HELLS: variants seen among roughly 807,000 people sequenced by gnomAD.
The protein encoded by HELLS is helicase, lymphoid specific.
A neutral mutation model predicts 120.0 loss-of-function variants in HELLS; 32 were observed. The observed-to-expected ratio is 0.27, with a 90% CI of 0.20 to 0.36. The LOEUF (loss-of-function observed/expected upper bound fraction) is 0.36, where lower values mean the gene tolerates loss of function less well. HELLS is among the 10% of genes least tolerant of loss of function. The pLI is 1.00. For missense variants in HELLS, 650 were observed against 993.4 expected, an observed-to-expected ratio of 0.65 and a Z score of 4.65; for synonymous variants, 341 against 323.4, an observed-to-expected ratio of 1.05 and a Z score of -0.58.
At chr10:94,552,092 A>C (rs954411698) in intron 2 of HELLS, among the ~76,000 whole-genome samples, 2 of 151,914 alleles carry the variant, frequency 1.3e-5, no homozygotes, top group Non-Finnish European at 2.9e-5. Flanking sequence ...CTTTCCTCTT[A>C]AGTTGAAACC....
chr10:94,579,515 A>C (rs1844709769), intron 10 of HELLS, among the ~76,000 whole-genome samples: 1 of 151,680 alleles, frequency 6.6e-6, no homozygotes, highest in Non-Finnish European at 1.5e-5. Context: ...GGTATAATTT[A>C]CACATATGAT....
chr10:94,581,549 T>C, intron 11 of HELLS, 27 bp downstream of exon 11: 1 of 1,504,816 alleles, frequency 6.6e-7, no homozygotes. Flanking sequence ...TTTAATGATT[T>C]AACCTCAAAA....
At chr10:94,600,720 G>C (rs1307107988) in intron 21 of HELLS, among the ~76,000 whole-genome samples, 1 of 152,006 alleles carries the variant, frequency 6.6e-6, no homozygotes, top group African/African-American at 2.4e-5. Context: ...ATTAAAGGTA[G>C]AATTTTAACC....
chr10:94,592,057 T>C (rs193213330), intron 15 of HELLS, among the ~76,000 whole-genome samples, 172 bp from the exon 16 acceptor site: 126 of 152,320 alleles, frequency 8.3e-4, no homozygotes, highest in African/African-American at 2.7e-3. Context: ...CATTCTAGAG[T>C]ATGTCTTTGA....
chr10:94,602,418 A>G (rs1846070852), downstream of HELLS, among the ~76,000 whole-genome samples: 1 of 152,216 alleles, frequency 6.6e-6, no homozygotes, highest in African/African-American at 2.4e-5. Context: ...GTAATGCACA[A>G]TCTGTAATAG....
At chr10:94,567,020 C>G (rs1302034932) in intron 6 of HELLS, among the ~76,000 whole-genome samples, 1 of 152,148 alleles carries the variant, frequency 6.6e-6, no homozygotes, top group Non-Finnish European at 1.5e-5. Context: ...ATTTCCTGCT[C>G]TCTTTTCCTC....
chr10:94,554,652 T>G lies in HELLS; in HGVS notation c.276+404T>G, dbSNP rs1313140503. Among the ~76,000 whole-genome samples, 5 of 142,800 alleles carry G rather than the reference T, an allele frequency of 3.5e-5. No individual in the cohort carries two copies. In the South Asian group the frequency reaches 1.2e-3, roughly 34 times the overall value. The allele number at this position is 142,800 out of a possible 152,430, so 93.7% of individuals were successfully genotyped here. ...ATCTTCAAAGTAATAGTGTTTTTTT[T>G]TTTGTTTTTTTTTTTTTAATGCTAA... On this transcript the variant is annotated intron_variant, in intron 3 of 21. Transcript: ENST00000348459.
intron 6 of HELLS, among the ~76,000 whole-genome samples, chr10:94,567,990 A>G (rs570135524): frequency 2.0e-4 from 29 of 148,384 alleles, no homozygotes; most frequent in Admixed American, 7.4e-4. Flanking sequence ...ACTCACTGCA[A>G]CCTCCGCCTC....
chr10:94,566,238 C>A (rs907941116), intron 6 of HELLS, among the ~76,000 whole-genome samples: 6 of 151,996 alleles, frequency 3.9e-5, no homozygotes, highest in African/African-American at 1.5e-4. Context: ...GCATGCAGTT[C>A]CTGAACCTTT....
chr10:94,545,892 G>T lies in HELLS; in HGVS notation c.-30G>T, dbSNP rs1268050041. The T allele has an allele frequency of 1.9e-6, 3 of 1,552,016 alleles. No homozygotes were observed. Among genetic ancestry groups the T allele is most frequent in the Non-Finnish European group, 2.6e-6 (3 of 1,146,890 alleles). ...GCGGCATTGCAGGCTCTGAGAGGAG[G>T]GGACCCGGTTCCCGGGTGAGTGTCC... is the stretch of plus-strand genomic sequence containing the variant. On this transcript the variant is annotated 5_prime_UTR_variant, in exon 1 of 22. Coordinates refer to ENST00000348459, the MANE Select transcript of HELLS (RefSeq NM_018063.5).
chr10:94,593,215 A>G (rs1845577493), intron 17 of HELLS, among the ~76,000 whole-genome samples: 1 of 152,204 alleles, frequency 6.6e-6, no homozygotes, highest in Non-Finnish European at 1.5e-5. Context: ...CCATGTGTTT[A>G]GACAACTACA....
rs752060007 is a variant in HELLS, at chr10:94,592,281, T to C, written c.1820T>C (p.Met607Thr). The C allele has an allele frequency of 2.5e-6, 4 of 1,612,910 alleles. No homozygotes were observed. Among genetic ancestry groups the C allele is most frequent in the Non-Finnish European group, 2.5e-6 (3 of 1,179,468 alleles). ...GGGAAGTTCTTGATTTTGGATCGAA[T>C]GCTGCCAGAACTAAAAAAAAGAGGT... ...NSGKFLILDR[M>T]LPELKKRGHK... Residue 607 changes from methionine (M) to threonine (T), a missense_variant, in exon 16 of 22, where the codon ATG becomes ACG. Coordinates refer to ENST00000348459, the MANE Select transcript of HELLS (RefSeq NM_018063.5).
At chr10:94,575,321 A>C (rs1233519673) in intron 9 of HELLS, among the ~76,000 whole-genome samples, 2 of 148,320 alleles carry the variant, frequency 1.3e-5, no homozygotes, top group Non-Finnish European at 3.0e-5. Context: ...CTGGTCTTGA[A>C]CTCCTGGCCT....
chr10:94,595,354 G>C (rs1401689415), intron 19 of HELLS, among the ~76,000 whole-genome samples: 1 of 152,180 alleles, frequency 6.6e-6, no homozygotes, highest in Non-Finnish European at 1.5e-5. Flanking sequence ...TAGATATGTA[G>C]ATGAAGAGCA....
rs781134124 is a variant in HELLS, at chr10:94,554,142, A to G, written c.170A>G (p.Asp57Gly). 1 of 1,584,798 alleles carries G rather than the reference A, an allele frequency of 6.3e-7. No homozygotes were observed. Among genetic ancestry groups the G allele is most frequent in the Admixed American group, 1.9e-5 (1 of 52,652 alleles). Residue 57 changes from aspartate to glycine, a missense_variant, in exon 3 of 22, where the codon GAT (aspartate) becomes GGT (glycine). By Grantham distance (94) the Asp-to-Gly change is moderately conservative. Around this residue, in one of 9 missense-constraint regions of HELLS, gnomAD observed 90 missense variants for 93.6 expected, o/e 0.96. Transcript: ENST00000348459. ...TTTGGATAGGCTCGCATGTCTTGGG[A>G]TAGAGAGTCGACAGAAATTCGGTAC... ...KMLEKARMSW[D>G]RESTEIRYRR... is the part of the protein sequence containing the mutation.
intron 12 of HELLS, among the ~76,000 whole-genome samples, chr10:94,585,023 A>G (rs1479763516): frequency 1.3e-5 from 2 of 152,058 alleles, no homozygotes; most frequent in African/African-American, 4.8e-5. Context: ...AATCGCTAGT[A>G]TATTTTCTTA....
chr10:94,561,181 AGGCT>A (rs1843539781), intron 4 of HELLS, among the ~76,000 whole-genome samples: 1 of 152,122 alleles, frequency 6.6e-6, no homozygotes, highest in Admixed American at 6.5e-5. Context: ...TATGTTGCCC[AGGCT>A]GGTCTCGAAC....
intron 13 of HELLS, among the ~76,000 whole-genome samples, chr10:94,589,966 C>T (rs1212421907): frequency 1.3e-5 from 2 of 151,978 alleles, no homozygotes; most frequent in Non-Finnish European, 1.5e-5. Flanking sequence ...GGTTTACAGG[C>T]GTGAGCCACC....
At chr10:94,593,096 C>A (rs1195425517) in intron 17 of HELLS, among the ~76,000 whole-genome samples, 1 of 152,114 alleles carries the variant, frequency 6.6e-6, no homozygotes, top group Non-Finnish European at 1.5e-5. Context: ...ATCTTTCTGA[C>A]AAATGCATAT....
Sources: gnomAD v4.1 joint callset for allele counts (sites outside exome capture counted in the v4.1 genomes callset) on GRCh38, gnomAD v4.1.1 for gene constraint, gnomAD v4.1.1 regional missense constraint, MANE v1.5 for transcripts, NCBI Gene and HGNC (gene_info 2026-07-23, HGNC 2026-07-21) for gene names.